Variants in HMGA2 observed in about 807,000 individuals in gnomAD.
HMGA2 encodes high mobility group protein HMGI-C.
Under a neutral mutation model 19.1 loss-of-function variants are expected in HMGA2, and 8 were observed. The observed-to-expected ratio is 0.42, with a 90% CI of 0.25 to 0.76. The LOEUF is 0.76. Among genes scored for constraint, HMGA2 ranks in the 30% least tolerant of loss-of-function variants. HMGA2 has a pLI of 0.28. For synonymous variants in HMGA2, 60 were observed against 48.8 expected (o/e 1.23, Z -0.96); for missense variants, 109 against 136.3 (o/e 0.80, Z 1.00).
At chr12:65,835,711 A>T (rs1870687373) in intron 2 of HMGA2, among the ~76,000 whole-genome samples, 1 of 152,172 alleles carries the variant, frequency 6.6e-6, no homozygotes, top group Non-Finnish European at 1.5e-5. Flanking sequence ...TCAGAAAAAA[A>T]ACCTCTCTCT....
intron 3 of HMGA2, chr12:65,860,046 T>G (rs1441576231): frequency 2.2e-6 from 1 of 453,198 alleles, no homozygotes; most frequent in Admixed American, 2.4e-5. Context: ...GAGCCATGAC[T>G]GTGCTACTGC....
intron 3 of HMGA2, among the ~76,000 whole-genome samples, chr12:65,900,121 G>A (rs868827742): frequency 1.3e-5 from 2 of 152,174 alleles, no homozygotes; most frequent in Middle Eastern, 6.8e-3. Flanking sequence ...ACTGCTGTAA[G>A]CAAATTAGGT....
At chr12:65,895,138 T>C (rs1271623831) in intron 3 of HMGA2, among the ~76,000 whole-genome samples, 1 of 152,184 alleles carries the variant, frequency 6.6e-6, no homozygotes, top group Non-Finnish European at 1.5e-5. Flanking sequence ...AAGTAAATAA[T>C]ATTTTATTAG....
At chr12:65,961,170 T>C (rs932411608) in intron 4 of HMGA2, among the ~76,000 whole-genome samples, 3 of 152,234 alleles carry the variant, frequency 2.0e-5, no homozygotes, top group Non-Finnish European at 2.9e-5. Flanking sequence ...TTTTATGCCG[T>C]GGTCTGTTTC....
intron 3 of HMGA2, among the ~76,000 whole-genome samples, chr12:65,885,313 G>GT (rs1296354043): frequency 6.6e-6 from 1 of 151,914 alleles, no homozygotes; most frequent in African/African-American, 2.4e-5. Flanking sequence ...TAAATAGTGG[G>GT]TTTTTTAAAT....
chr12:65,848,118 G>A (rs7961706), intron 3 of HMGA2, among the ~76,000 whole-genome samples: 36,828 of 152,086 alleles, frequency 0.24, 8,495 homozygotes, highest in African/African-American at 0.6. Flanking sequence ...CTTGCCCTAT[G>A]TTAATGTTTC....
At chr12:65,959,620 A>G (rs899815046) in intron 4 of HMGA2, among the ~76,000 whole-genome samples, 5 of 152,154 alleles carry the variant, frequency 3.3e-5, no homozygotes, top group Non-Finnish European at 4.4e-5. Flanking sequence ...AAGTCCTTTC[A>G]TCTGAACATT....
intron 3 of HMGA2, among the ~76,000 whole-genome samples, chr12:65,896,686 C>T (rs1250502690): frequency 6.6e-6 from 1 of 152,218 alleles, no homozygotes. Flanking sequence ...CTTTGTTGAA[C>T]ATAAGATGAT....
At chr12:65,901,054 A>C (rs1020652956) in intron 3 of HMGA2, among the ~76,000 whole-genome samples, 1 of 152,098 alleles carries the variant, frequency 6.6e-6, no homozygotes, top group African/African-American at 2.4e-5. Flanking sequence ...GTGGTATGCC[A>C]CCTCCCATTT....
intron 3 of HMGA2, among the ~76,000 whole-genome samples, chr12:65,866,556 G>C (rs1310484078): frequency 1.3e-5 from 2 of 152,136 alleles, no homozygotes; most frequent in African/African-American, 4.8e-5. Flanking sequence ...TGACAAGGCG[G>C]AACATCCAAG....
At chr12:65,908,105 C>A (rs952702168) in intron 3 of HMGA2, among the ~76,000 whole-genome samples, 2 of 152,112 alleles carry the variant, frequency 1.3e-5, no homozygotes, top group African/African-American at 4.8e-5. Flanking sequence ...TCAAGTGTAC[C>A]AAGAATTTGC....
chr12:65,948,380 G>C (rs1876338503), intron 3 of HMGA2: 1 of 152,126 alleles, frequency 6.6e-6, no homozygotes, highest in Non-Finnish European at 1.5e-5. Flanking sequence ...TGGTTTCTAA[G>C]AATCAACACT....
At chr12:65,859,582 T>G (rs925196551) in intron 3 of HMGA2, 2 of 152,322 alleles carry the variant, frequency 1.3e-5, no homozygotes, top group African/African-American at 4.8e-5. Flanking sequence ...TGCAATTTCC[T>G]TCTTCCATTT....
chr12:65,940,429 A>G (rs1355436921), intron 3 of HMGA2, among the ~76,000 whole-genome samples: 1 of 152,206 alleles, frequency 6.6e-6, no homozygotes, highest in East Asian at 1.9e-4. Context: ...TAAATATATT[A>G]GAAACATTCT....
At chr12:65,854,687 G>A (rs531517476) in intron 3 of HMGA2, among the ~76,000 whole-genome samples, 3 of 152,190 alleles carry the variant, frequency 2.0e-5, no homozygotes, top group Non-Finnish European at 4.4e-5. Context: ...TAGGTATTAA[G>A]CCCAACATGC....
chr12:65,891,885 G>A (rs969988866), intron 3 of HMGA2, among the ~76,000 whole-genome samples: 3 of 152,214 alleles, frequency 2.0e-5, no homozygotes, highest in African/African-American at 4.8e-5. Flanking sequence ...CCAGCACAAC[G>A]GAGGCTACCC....
At chr12:65,890,561 T>C (rs759021964) in intron 3 of HMGA2, among the ~76,000 whole-genome samples, 11 of 152,056 alleles carry the variant, frequency 7.2e-5, no homozygotes, top group Non-Finnish European at 1.3e-4. Flanking sequence ...TACTACACAA[T>C]TGACTCAAGC....
At chr12:65,904,763 G>T (rs1874514178) in intron 3 of HMGA2, among the ~76,000 whole-genome samples, 1 of 152,110 alleles carries the variant, frequency 6.6e-6, no homozygotes, top group Admixed American at 6.6e-5. Flanking sequence ...GTAAATTATA[G>T]AGTGAAACTG....
At chr12:65,957,114 T>C (rs2043794568) in intron 4 of HMGA2, 1 of 152,318 alleles carries the variant, frequency 6.6e-6, no homozygotes, top group South Asian at 2.1e-4. Flanking sequence ...ATGAAAAATG[T>C]TTGGTGCAAT....
Sources: allele counts gnomAD v4.1 joint callset (sites outside exome capture counted in the v4.1 genomes callset), GRCh38; gene constraint gnomAD v4.1.1; transcripts MANE v1.5; gene names NCBI Gene and HGNC (gene_info 2026-07-23, HGNC 2026-07-21).